UNC5B: variants seen among roughly 807,000 people sequenced by gnomAD.
UNC5B encodes unc-5 netrin receptor B.
In UNC5B, 56 loss-of-function variants were observed where a neutral mutation model predicts 103.7. The ratio of observed to expected loss-of-function variants is 0.54; its 90% CI spans 0.44 to 0.67. The LOEUF (loss-of-function observed/expected upper bound fraction) is 0.67, where lower values mean the gene tolerates loss of function less well. Among genes scored for constraint, UNC5B ranks in the 30% least tolerant of loss-of-function variants. The pLI is 0.00. For missense variants in UNC5B, 1,194 were observed against 1,284.5 expected, an observed-to-expected ratio of 0.93 and a Z score of 1.08; for synonymous variants, 577 against 542.0, an observed-to-expected ratio of 1.06 and a Z score of -0.90.
chr10:71,302,216 T>TG lies in UNC5B; in HGVS notation c.*2944dup, dbSNP rs1032171305. 1 of 152,180 alleles carries TG rather than the reference T, an allele frequency of 6.6e-6. No individual in the cohort carries two copies. Among genetic ancestry groups the TG allele is most frequent in the African/African-American group, 2.4e-5 (1 of 41,418 alleles). 9.4% of individuals were successfully genotyped at this position (152,180 alleles called of 1,614,324 possible). ...TGGTGGGAAGCAGCTCAGGTACCCT[T>TG]GGGGGTTGCAGGGCCCTTACGCAGG... On this transcript the variant is annotated 3_prime_UTR_variant, in exon 17 of 17. Coordinates refer to ENST00000335350, the MANE Select transcript of UNC5B (RefSeq NM_170744.5).
rs190377755 is a variant in UNC5B, at chr10:71,298,794, T to C, written c.2673-318T>C. On this transcript the variant is annotated intron_variant, in intron 16 of 16. Transcript: ENST00000335350. The stretch of plus-strand genomic sequence containing the variant: ...CTCTCTTGGGGCCAGTGTCTTTCAA[T>C]GATAATAATGATGATGATGAACAAG... Among the ~76,000 whole-genome samples, 652 of 152,252 alleles carry C rather than the reference T, an allele frequency of 4.3e-3. 2 individuals carry two copies. The highest frequency in any genetic ancestry group is 7.0e-3 in the Non-Finnish European group (473 of 68,024).
At position 71,293,839 on chromosome 10, in the gene UNC5B, G is replaced by A. The variant is rs781646048; in HGVS notation, c.2081G>A (p.Arg694Gln). ...GESYSRSAVK[R>Q]LQLAVFAPAL... ...TCCTATTCCCGCTCAGCAGTCAAGC[G>A]GCTCCAGCTGGCCGTCTTCGCCCCC... Residue 694 changes from arginine to glutamine, a missense_variant, in exon 13 of 17, where the codon CGG (arginine) becomes CAG (glutamine). Physicochemically the swap from Arg to Gln is conservative, Grantham distance 43. Coordinates refer to ENST00000335350, the MANE Select transcript of UNC5B (RefSeq NM_170744.5). 1.1e-5 allele frequency: 17 copies of A among 1,611,074 alleles called. No individual in the cohort carries two copies. The highest frequency in any genetic ancestry group is 8.3e-5 in the Admixed American group (5 of 59,952).
At chr10:71,232,003 G>A (rs1843693118) in intron 1 of UNC5B, among the ~76,000 whole-genome samples, 1 of 152,190 alleles carries the variant, frequency 6.6e-6, no homozygotes, top group Non-Finnish European at 1.5e-5. Flanking sequence ...GGAAAGCCCT[G>A]CAAGGTTAAG....
chr10:71,213,675 A>AATTATTTATTATT lies in UNC5B; in HGVS notation c.79+617_79+618insTATTATTATTATT, dbSNP rs1554858438. ...ATCGCTGGGCCCGCAGGTCTGGAAGAATTATTATTATTATTATTATTATTA... is the reference window on the plus strand; with the variant it reads ...ATCGCTGGGCCCGCAGGTCTGGAAGAATTATTTATTATTATTATTATTATTATTATTATTATTA... On this transcript the variant is annotated intron_variant, in intron 1 of 16. Transcript: ENST00000335350. The surrounding 1 kb of genome is among the most constrained non-coding windows in gnomAD (Gnocchi z 4.1). 8.3e-5 allele frequency among the ~76,000 whole-genome samples: 11 copies of AATTATTTATTATT among 133,258 alleles called. No homozygotes were observed. Among genetic ancestry groups the AATTATTTATTATT allele is most frequent in the African/African-American group, 3.2e-4 (11 of 34,590 alleles). The allele number at this position is 133,258 out of a possible 152,430, so 87.4% of individuals were successfully genotyped here.
chr10:71,280,087 G>A (rs756711066), intron 2 of UNC5B, 42 bp downstream of exon 2: 12 of 1,600,992 alleles, frequency 7.5e-6, no homozygotes, highest in Non-Finnish European at 1.0e-5. Flanking sequence ...GGACACCCCA[G>A]GCCCAGAGGC....
Position 71,288,750 on chromosome 10 carries a change from T to G in UNC5B, c.1066+18T>G. The G allele has an allele frequency of 6.3e-7, 1 of 1,592,096 alleles. No individual in the cohort carries two copies. Among genetic ancestry groups the G allele is most frequent in the Non-Finnish European group, 8.6e-7 (1 of 1,167,034 alleles). On this transcript the variant is annotated intron_variant, in intron 7 of 16. Transcript: ENST00000335350. ...CATGCAAAGTGAGTCACAGGGAAGGTGGGGCCCTGGGGGTGGGGACTCTGG... is the reference window on the plus strand; with the variant it reads ...CATGCAAAGTGAGTCACAGGGAAGGGGGGGCCCTGGGGGTGGGGACTCTGG...
intron 1 of UNC5B, among the ~76,000 whole-genome samples, chr10:71,264,762 G>A (rs1004379127): frequency 1.4e-4 from 21 of 152,290 alleles, no homozygotes; most frequent in African/African-American, 4.8e-4. Context: ...CTTGGGGGCA[G>A]GAGCCTGGGT....
chr10:71,255,130 A>G (rs1284911491), intron 1 of UNC5B, among the ~76,000 whole-genome samples: 1 of 152,244 alleles, frequency 6.6e-6, no homozygotes, highest in Non-Finnish European at 1.5e-5. Flanking sequence ...ATAATTAGCC[A>G]TTAATACCCG....
chr10:71,244,963 C>T (rs1012092682), intron 1 of UNC5B, among the ~76,000 whole-genome samples: 3 of 152,206 alleles, frequency 2.0e-5, no homozygotes, highest in Non-Finnish European at 4.4e-5. Context: ...TGCCTGGCTC[C>T]GTGCAGTGCA....
intron 1 of UNC5B, among the ~76,000 whole-genome samples, chr10:71,228,934 GA>G (rs766473194): frequency 3.3e-5 from 5 of 152,206 alleles, no homozygotes; most frequent in Non-Finnish European, 5.9e-5. Flanking sequence ...TTGGACTCCA[GA>G]TTCGGTGCTC....
In UNC5B at chr10:71,279,750, C is replaced by T. The variant is rs77829833; in HGVS notation, c.80-71C>T. ...GTCCTCTTCGTCTGCGGTGGGCCCC[C>T]GGGGTGGGCGAGGGGTGCCACAGGG... On this transcript the variant is annotated intron_variant, in intron 1 of 16. Coordinates refer to ENST00000335350, the MANE Select transcript of UNC5B (RefSeq NM_170744.5). 6.1e-3 allele frequency: 9,278 copies of T among 1,509,112 alleles called. 490 individuals carry two copies. In the African/African-American group the frequency reaches 0.11, roughly 18 times the overall value. 93.5% of individuals were successfully genotyped at this position (1,509,112 alleles called of 1,614,324 possible). A position where few individuals can be genotyped will look rare whatever the true frequency, so the allele number is the denominator to read the frequency against.
intron 1 of UNC5B, among the ~76,000 whole-genome samples, chr10:71,230,759 G>A (rs891681440): frequency 6.6e-6 from 1 of 152,236 alleles, no homozygotes; most frequent in African/African-American, 2.4e-5. Flanking sequence ...GGGTTTCCTT[G>A]TGTGGGAGGA....
At position 71,302,149 on chromosome 10, in the gene UNC5B, C is replaced by T. The variant is rs1845596076; in HGVS notation, c.*2872C>T. ...TCCGGGGTGGGATGGGTGGTTTCTCCTCCAATTCAGACCCAAGAGGTAGCC... is the reference window on the plus strand; with the variant it reads ...TCCGGGGTGGGATGGGTGGTTTCTCTTCCAATTCAGACCCAAGAGGTAGCC... On this transcript the variant is annotated 3_prime_UTR_variant, in exon 17 of 17. Coordinates refer to ENST00000335350, the MANE Select transcript of UNC5B (RefSeq NM_170744.5). 6.6e-6 allele frequency: 1 copy of T among 150,452 alleles called. No homozygotes were observed. The allele number at this position is 150,452 out of a possible 1,614,324, so 9.3% of individuals were successfully genotyped here.
At chr10:71,223,937 G>T (rs965407261) in intron 1 of UNC5B, among the ~76,000 whole-genome samples, 1 of 152,218 alleles carries the variant, frequency 6.6e-6, no homozygotes, top group African/African-American at 2.4e-5. Flanking sequence ...TGGGCTTGGT[G>T]CAGGAGAGCA....
chr10:71,289,649 G>A (rs1845194734), intron 8 of UNC5B, among the ~76,000 whole-genome samples: 1 of 152,248 alleles, frequency 6.6e-6, no homozygotes, highest in South Asian at 2.1e-4. Flanking sequence ...CTCACTGGGG[G>A]TCGGGCTGGG....
intron 16 of UNC5B, 58 bp downstream of exon 16, chr10:71,298,148 G>A: frequency 6.6e-7 from 1 of 1,508,800 alleles, no homozygotes; most frequent in Non-Finnish European, 8.9e-7. Flanking sequence ...GGTCTCACAG[G>A]GGCAGGCAGG....
At chr10:71,285,196 C>T (rs950593521) in intron 3 of UNC5B, 130 bp from the exon 4 acceptor site, 14 of 1,003,898 alleles carry the variant, frequency 1.4e-5, no homozygotes, top group East Asian at 5.2e-5. Context: ...GGAAATTTCC[C>T]AGGCAAAGGC....
intron 14 of UNC5B, 51 bp from the exon 15 acceptor site, chr10:71,296,527 G>A: frequency 1.3e-6 from 2 of 1,598,296 alleles, no homozygotes; most frequent in Non-Finnish European, 1.7e-6. Context: ...TTTCTATGAG[G>A]ACAGGGCAGG....
intron 2 of UNC5B, among the ~76,000 whole-genome samples, chr10:71,280,648 A>T (rs1564729268): frequency 6.6e-6 from 1 of 152,214 alleles, no homozygotes; most frequent in Non-Finnish European, 1.5e-5. Context: ...CTTCTCGGAT[A>T]TGTGGGGAGC....
Sources: gnomAD v4.1 joint callset for allele counts (sites outside exome capture counted in the v4.1 genomes callset) on GRCh38, gnomAD v4.1.1 for gene constraint, Gnocchi (gnomAD v3.1) non-coding constraint, MANE v1.5 for transcripts, NCBI Gene and HGNC (gene_info 2026-07-23, HGNC 2026-07-21) for gene names.